Variants in PRSS53 observed in about 807,000 individuals in gnomAD.
The protein encoded by PRSS53 is serine protease 53.
Under a neutral mutation model 62.7 loss-of-function variants are expected in PRSS53, and 54 were observed. That is an observed-to-expected ratio of 0.86 (90% CI 0.69 to 1.08). The LOEUF (loss-of-function observed/expected upper bound fraction) is 1.08. Among genes scored for constraint, PRSS53 ranks in the 50% least tolerant of loss-of-function variants. The probability of loss-of-function intolerance (pLI) is 0.00; values close to 1 mark genes in which losing one functional copy is unlikely to be tolerated. For synonymous variants in PRSS53, 273 were observed against 300.0 expected (o/e 0.91, Z 0.93); for missense variants, 688 against 728.3 (o/e 0.94, Z 0.64).
At chr16:31,086,083 G>T (rs2057230053) in exon 6 of PRSS53, 1 of 1,613,854 alleles carries the variant, frequency 6.2e-7, no homozygotes, top group African/African-American at 1.3e-5. Flanking sequence ...CAGCAGCACA[G>T]GAGCGTCCTC....
Position 31,084,722 on chromosome 16 carries a change from C to T in PRSS53, c.1280-19G>A. The T allele has an allele frequency of 6.2e-7, 1 of 1,604,928 alleles. No homozygotes were observed. The highest frequency in any genetic ancestry group is 1.1e-5 in the South Asian group (1 of 90,414). ...CTGATGCCTGTGGAGCAAGGGAAAG[C>T]TGGCTGCCCCGGCCTGCAGGTTGGA... On this transcript the variant is annotated intron_variant, in intron 8 of 10. Transcript: ENST00000280606.
intron 9 of PRSS53, 29 bp from the exon 10 acceptor site, chr16:31,084,364 C>T (rs2057204874): frequency 6.3e-7 from 1 of 1,594,070 alleles, no homozygotes; most frequent in Non-Finnish European, 8.5e-7. Flanking sequence ...CACTGGGTGA[C>T]TTTTTATAGG....
chr16:31,088,241 A>G lies in PRSS53; in HGVS notation c.59-415T>C, dbSNP rs2057254952. 3 of 1,132,356 alleles carry G rather than the reference A, an allele frequency of 2.6e-6. No homozygotes were observed. The South Asian group carries it at 7.0e-5, about 26-fold the overall frequency. The allele number at this position is 1,132,356 out of a possible 1,614,324, so 70.1% of individuals were successfully genotyped here. A position where few individuals can be genotyped will look rare whatever the true frequency, so the allele number is the denominator to read the frequency against. On this transcript the variant is annotated intron_variant, in intron 1 of 10. Transcript: ENST00000280606. ...AGGCCTGCATCATTTCCAAGTGGGG[A>G]GGGCCCCAAGAAATGGAGACTTACC...
intron 3 of PRSS53, 79 bp from the exon 4 acceptor site, chr16:31,086,977 G>C (rs1170736505): frequency 8.3e-6 from 12 of 1,439,684 alleles, no homozygotes; most frequent in African/African-American, 1.4e-5. Flanking sequence ...ACAGGTAGGT[G>C]GAAGATAGCA....
exon 1 of PRSS53, chr16:31,088,922 C>T: frequency 6.5e-7 from 1 of 1,526,840 alleles, no homozygotes; most frequent in East Asian, 2.4e-5. Context: ...TGTCTGCTTG[C>T]CCTAGCCAGC....
Position 31,083,828 on chromosome 16 carries a change from G to A in PRSS53, c.1643-19C>T. On this transcript the variant is annotated intron_variant, in intron 10 of 10. Coordinates refer to ENST00000280606, the Ensembl canonical transcript of PRSS53. Reference sequence around the variant, plus strand: ...GGTTGGCCTGTGGGGAAGGAAGGAGGGTGGAGTTGTCCTCATCCTCACGGC... The same window carrying A: ...GGTTGGCCTGTGGGGAAGGAAGGAGAGTGGAGTTGTCCTCATCCTCACGGC... 6.2e-7 allele frequency: 1 copy of A among 1,613,964 alleles called. No homozygotes were observed. The highest frequency in any genetic ancestry group is 8.5e-7 in the Non-Finnish European group (1 of 1,179,862).
intron 6 of PRSS53, 144 bp downstream of exon 6, chr16:31,085,820 C>G (rs1007747092): frequency 1.4e-6 from 1 of 711,126 alleles, no homozygotes; most frequent in East Asian, 2.6e-5. Flanking sequence ...GCCTCTCAGC[C>G]CTAACAGGGC....
chr16:31,086,489 G>T, exon 5 of PRSS53: 1 of 1,611,162 alleles, frequency 6.2e-7, no homozygotes, highest in Non-Finnish European at 8.5e-7. Context: ...AGGGTCCCAG[G>T]AGCTGGTGAA....
chr16:31,084,443 T>G, intron 9 of PRSS53, 108 bp from the exon 10 acceptor site: 1 of 1,494,082 alleles, frequency 6.7e-7, no homozygotes, highest in Non-Finnish European at 9.0e-7. Context: ...GCAAAAAGGC[T>G]TAGTTTCAGG....
chr16:31,084,933 G>T, exon 8 of PRSS53: 1 of 1,544,722 alleles, frequency 6.5e-7, no homozygotes, highest in East Asian at 2.4e-5. Context: ...CCCTCAGGGT[G>T]GGTGTAGGCT....
rs140712721 is a variant in PRSS53 at position 31,084,014 on chromosome 16, C to T, written c.1642+105G>A. ...AATCAAATGGGTCTGCCTGTTGCTC[C>T]ACCCTACCCAAGGCAGCTGGAGTGG... On this transcript the variant is annotated intron_variant, in intron 10 of 10. Transcript: ENST00000280606. The T allele has an allele frequency of 6.1e-5, 92 of 1,498,884 alleles. 1 individual carries two copies. In the African/African-American group the frequency reaches 1.1e-3, roughly 18 times the overall value. The allele number at this position is 1,498,884 out of a possible 1,614,324, so 92.8% of individuals were successfully genotyped here. A position where few individuals can be genotyped will look rare whatever the true frequency, so the allele number is the denominator to read the frequency against.
At chr16:31,088,192 C>T in intron 1 of PRSS53, 1 of 1,218,034 alleles carries the variant, frequency 8.2e-7, no homozygotes, top group Middle Eastern at 3.5e-4. Flanking sequence ...CTCTTAGCAG[C>T]AGAGGCCTAA....
At chr16:31,083,522 C>A in exon 11 of PRSS53, 1 of 1,370,838 alleles carries the variant, frequency 7.3e-7, no homozygotes, top group Non-Finnish European at 9.4e-7. Context: ...ACGTGGCTGG[C>A]GTGATTGTAT....
exon 10 of PRSS53, chr16:31,084,330 C>T (rs1464107286): frequency 6.2e-7 from 1 of 1,611,156 alleles, no homozygotes; most frequent in Non-Finnish European, 8.5e-7. Flanking sequence ...GTGCCCCAGA[C>T]AGGCCCTGTC....
At chr16:31,087,276 C>T (rs774250736) in intron 3 of PRSS53, 4 of 561,816 alleles carry the variant, frequency 7.1e-6, no homozygotes, top group East Asian at 3.1e-5. Flanking sequence ...GGATTACAAG[C>T]GTGAGCTACT....
rs755835778 is a variant in PRSS53 at position 31,086,395 on chromosome 16, G to A, written c.605C>T (p.Pro202Leu). ...CCCACATAGCATCCCAGGCCGGGCC[G>A]GGTTGGACAGGTGTCGCTGGTGCAG... Residue 202 changes from proline to leucine, a missense_variant, in exon 5 of 11, where the codon CCG becomes CTG. Transcript: ENST00000280606. 1.2e-5 allele frequency: 19 copies of A among 1,614,102 alleles called. No homozygotes were observed. In the Middle Eastern group the frequency reaches 5.0e-4, roughly 42 times the overall value.
exon 4 of PRSS53, chr16:31,086,668 C>A: frequency 6.5e-7 from 1 of 1,543,782 alleles, no homozygotes; most frequent in Non-Finnish European, 8.8e-7. Flanking sequence ...AGTGGCCCAG[C>A]AGGAGGCTCC....
exon 7 of PRSS53, chr16:31,085,226 T>C (rs759123353): frequency 4.4e-6 from 7 of 1,598,304 alleles, no homozygotes; most frequent in Non-Finnish European, 6.0e-6. Flanking sequence ...AGGGTGCTCC[T>C]GCCTGGGGAC....
In PRSS53 at chr16:31,084,096, CAGG is replaced by C; in HGVS notation, c.1642+20_1642+22del. 6.4e-7 allele frequency: 1 copy of C among 1,553,698 alleles called. No individual in the cohort carries two copies. Among genetic ancestry groups the C allele is most frequent in the Non-Finnish European group, 8.7e-7 (1 of 1,149,136 alleles). ...AGGGTCCTGGAGAGGCAGGGTTTGGCAGGAGGCCCCGGGGCCACATACTTATGT... is the reference window on the plus strand; with the variant it reads ...AGGGTCCTGGAGAGGCAGGGTTTGGCAGGCCCCGGGGCCACATACTTATGT... On this transcript the variant is annotated intron_variant, in intron 10 of 10. Transcript: ENST00000280606.
Sources: allele counts gnomAD v4.1 joint callset, GRCh38; gene constraint gnomAD v4.1.1; transcripts MANE v1.5; gene names NCBI Gene and HGNC (gene_info 2026-07-23, HGNC 2026-07-21).